GPC6: variants seen among roughly 807,000 people sequenced by gnomAD.
GPC6 encodes glypican-6.
GPC6 carries 14 observed loss-of-function variants against 55.2 expected under a neutral mutation model. That is an observed-to-expected ratio of 0.25 (90% CI 0.17 to 0.40). The LOEUF (loss-of-function observed/expected upper bound fraction) is 0.40. Among genes scored for constraint, GPC6 ranks in the 10% least tolerant of loss-of-function variants. GPC6 has a pLI of 1.00. For synonymous variants in GPC6, 278 were observed against 259.6 expected, an observed-to-expected ratio of 1.07 and a Z score of -0.68; for missense variants, 641 against 708.5, an observed-to-expected ratio of 0.90 and a Z score of 1.08.
At chr13:94,368,633 A>C (rs891904030) in intron 6 of GPC6, among the ~76,000 whole-genome samples, 1 of 151,372 alleles carries the variant, frequency 6.6e-6, no homozygotes, top group Non-Finnish European at 1.5e-5. Flanking sequence ...GATTGTGTTT[A>C]TAGATATTTG....
At chr13:94,370,314 C>T (rs774115425) in intron 6 of GPC6, among the ~76,000 whole-genome samples, 10 of 152,276 alleles carry the variant, frequency 6.6e-5, no homozygotes, top group Admixed American at 3.3e-4. Context: ...TGGTGGTGTT[C>T]CCAGGGAGGG....
chr13:94,304,332 T>C (rs987022957), intron 5 of GPC6, among the ~76,000 whole-genome samples: 7 of 152,164 alleles, frequency 4.6e-5, no homozygotes, highest in Non-Finnish European at 8.8e-5. Context: ...ACAAAATGAA[T>C]TGTGTCTCAA....
intron 7 of GPC6, among the ~76,000 whole-genome samples, chr13:94,395,747 T>A (rs1292707322): frequency 1.3e-5 from 2 of 152,158 alleles, no homozygotes; most frequent in African/African-American, 4.8e-5. Flanking sequence ...TTTTTGAGCT[T>A]TCAAGCAACA....
At chr13:94,014,642 GA>G (rs1166650610) in intron 3 of GPC6, among the ~76,000 whole-genome samples, 1 of 152,032 alleles carries the variant, frequency 6.6e-6, no homozygotes. Context: ...CACACAAAAA[GA>G]AAACTTAGGC....
At chr13:94,223,610 C>T (rs908493803) in intron 4 of GPC6, among the ~76,000 whole-genome samples, 2 of 152,102 alleles carry the variant, frequency 1.3e-5, no homozygotes, top group African/African-American at 4.8e-5. Flanking sequence ...ATGCAAACAT[C>T]GTTTATTAAA....
chr13:93,667,664 C>G (rs1881195529), intron 2 of GPC6, among the ~76,000 whole-genome samples: 1 of 151,780 alleles, frequency 6.6e-6, no homozygotes, highest in Non-Finnish European at 1.5e-5. Context: ...AACTCCTGAC[C>G]TCAAGTAATC....
At chr13:94,087,738 G>A (rs998603920) in intron 4 of GPC6, among the ~76,000 whole-genome samples, 4 of 152,198 alleles carry the variant, frequency 2.6e-5, no homozygotes, top group African/African-American at 9.7e-5. Flanking sequence ...AAAAGTGAAT[G>A]AATGAGACAT....
At chr13:93,945,205 A>T (rs543715721) in intron 3 of GPC6, among the ~76,000 whole-genome samples, 2 of 152,360 alleles carry the variant, frequency 1.3e-5, no homozygotes, top group East Asian at 3.9e-4. Context: ...CCAAAGGATT[A>T]TATAGTACAC....
intron 3 of GPC6, among the ~76,000 whole-genome samples, chr13:94,015,236 G>T (rs776563412): frequency 6.6e-6 from 1 of 152,064 alleles, no homozygotes; most frequent in Non-Finnish European, 1.5e-5. Context: ...CATCTTAATG[G>T]TGTGAAGCAG....
At chr13:93,353,478 G>T (rs997598331) in intron 1 of GPC6, among the ~76,000 whole-genome samples, 2 of 152,154 alleles carry the variant, frequency 1.3e-5, no homozygotes, top group Non-Finnish European at 2.9e-5. Context: ...TGAACTTCTC[G>T]TGAAATTATC....
chr13:93,367,795 T>C (rs1356039473), intron 1 of GPC6, among the ~76,000 whole-genome samples: 1 of 127,852 alleles, frequency 7.8e-6, no homozygotes, highest in African/African-American at 2.5e-5. Flanking sequence ...GGCTAGAGAA[T>C]ATACTCTGTA....
At chr13:93,884,751 CAGTGTT>C (rs1875218690) in intron 3 of GPC6, among the ~76,000 whole-genome samples, 1 of 152,078 alleles carries the variant, frequency 6.6e-6, no homozygotes, top group East Asian at 1.9e-4. Context: ...TATGGTACTT[CAGTGTT>C]CAATGCTAAA....
At chr13:93,470,778 C>G (rs1879081979) in intron 1 of GPC6, among the ~76,000 whole-genome samples, 1 of 151,534 alleles carries the variant, frequency 6.6e-6, no homozygotes, top group Non-Finnish European at 1.5e-5. Flanking sequence ...ATTGAGATTT[C>G]TTTTTCAAAA....
In GPC6 at chr13:94,403,426, G is replaced by C; in HGVS notation, c.*209G>C. 5 of 606,794 alleles carry C rather than the reference G, an allele frequency of 8.2e-6. No individual in the cohort carries two copies. The South Asian group carries it at 9.2e-5, about 11-fold the overall frequency. The allele number at this position is 606,794 out of a possible 1,614,324, so 37.6% of individuals were successfully genotyped here. ...TGCTTCCTCTTTCCTTCAGCTATCTGTGGGGACCTTGTTTATTCTAGAGAG... is the reference window on the plus strand; with the variant it reads ...TGCTTCCTCTTTCCTTCAGCTATCTCTGGGGACCTTGTTTATTCTAGAGAG... On this transcript the variant is annotated 3_prime_UTR_variant, in exon 9 of 9. Transcript: ENST00000377047.
intron 2 of GPC6, among the ~76,000 whole-genome samples, chr13:93,759,431 T>C (rs1594432779): frequency 6.6e-6 from 1 of 152,196 alleles, no homozygotes; most frequent in South Asian, 2.1e-4. Context: ...TTAATGGCTG[T>C]TACTCTCAGT....
intron 2 of GPC6, among the ~76,000 whole-genome samples, chr13:93,789,928 A>G (rs1885974200): frequency 6.6e-6 from 1 of 152,060 alleles, no homozygotes; most frequent in Non-Finnish European, 1.5e-5. Context: ...TCAAATAAAA[A>G]CAGGTAAAAC....
intron 2 of GPC6, among the ~76,000 whole-genome samples, chr13:93,746,330 A>G (rs527605085): frequency 6.6e-6 from 1 of 152,286 alleles, no homozygotes; most frequent in Admixed American, 6.5e-5. Context: ...ATGTTGATAA[A>G]CTGAGCTTAT....
At chr13:93,749,801 A>G (rs764705736) in intron 2 of GPC6, among the ~76,000 whole-genome samples, 8 of 152,104 alleles carry the variant, frequency 5.3e-5, no homozygotes, top group Admixed American at 6.6e-5. Context: ...ACTTGTGACG[A>G]AAAAAATACA....
intron 6 of GPC6, among the ~76,000 whole-genome samples, chr13:94,340,411 T>C (rs1424998382): frequency 6.6e-6 from 1 of 152,186 alleles, no homozygotes; most frequent in Non-Finnish European, 1.5e-5. Context: ...GCCATGGAGC[T>C]ACATTAAAAT....
Sources: allele counts gnomAD v4.1 joint callset (sites outside exome capture counted in the v4.1 genomes callset), GRCh38; gene constraint gnomAD v4.1.1; transcripts MANE v1.5; gene names NCBI Gene and HGNC (gene_info 2026-07-23, HGNC 2026-07-21).